Variants in SH3D19 observed in about 807,000 individuals in gnomAD.
SH3D19 encodes SH3 domain containing 19, also known as SH3 domain-containing protein 19.
Under a neutral mutation model 112.1 loss-of-function variants are expected in SH3D19, and 58 were observed. The ratio of observed to expected loss-of-function variants is 0.52; its 90% CI spans 0.42 to 0.64. The LOEUF (loss-of-function observed/expected upper bound fraction) is 0.64, where lower values mean the gene tolerates loss of function less well. SH3D19 is among the 30% of genes least tolerant of loss of function. The probability of loss-of-function intolerance (pLI) is 0.00; values close to 1 mark genes in which losing one functional copy is unlikely to be tolerated. For missense variants in SH3D19, 1,090 were observed against 1,263.4 expected, an observed-to-expected ratio of 0.86 and a Z score of 2.08; for synonymous variants, 391 against 448.5, an observed-to-expected ratio of 0.87 and a Z score of 1.62.
intron 11 of SH3D19, among the ~76,000 whole-genome samples, chr4:151,145,839 A>G (rs1753830429): frequency 6.6e-6 from 1 of 152,216 alleles, no homozygotes. Flanking sequence ...TGGGCATGTT[A>G]CTTTATGTCT....
At chr4:151,283,027 CCATT>C in intron 1 of SH3D19, 2 of 1,174,928 alleles carry the variant, frequency 1.7e-6, no homozygotes, top group Non-Finnish European at 1.2e-6. Context: ...TTTTGGATTC[CCATT>C]CAGAGACTTC....
At chr4:151,212,996 A>G (rs985873041) in intron 2 of SH3D19, among the ~76,000 whole-genome samples, 2 of 152,216 alleles carry the variant, frequency 1.3e-5, no homozygotes, top group Non-Finnish European at 2.9e-5. Flanking sequence ...TGGAGGAAGT[A>G]ACTGCAGATA....
intron 2 of SH3D19, among the ~76,000 whole-genome samples, chr4:151,214,744 A>C (rs76298800): frequency 7.9e-4 from 11 of 13,982 alleles, no homozygotes; most frequent in Non-Finnish European, 3.1e-3. Context: ...CCGGATGGGG[A>C]GGCTGGCCGG....
At chr4:151,242,013 G>A (rs954734648) in intron 1 of SH3D19, among the ~76,000 whole-genome samples, 1 of 151,956 alleles carries the variant, frequency 6.6e-6, no homozygotes, top group African/African-American at 2.4e-5. Flanking sequence ...GGCAACAAAT[G>A]AGACCCTGTC....
intron 1 of SH3D19, among the ~76,000 whole-genome samples, chr4:151,242,190 A>C (rs1770615894): frequency 1.3e-5 from 2 of 148,928 alleles, no homozygotes; most frequent in South Asian, 2.1e-4. Flanking sequence ...GTCTCAAAAC[A>C]AAAAAAAAAG....
At chr4:151,229,937 A>C (rs922805121) in intron 1 of SH3D19, among the ~76,000 whole-genome samples, 1 of 152,124 alleles carries the variant, frequency 6.6e-6, no homozygotes, top group Non-Finnish European at 1.5e-5. Flanking sequence ...AAAAACAAAA[A>C]ACAAGGCAGA....
rs147703912 is a variant in SH3D19 at position 151,316,425 on chromosome 4, G to A, written c.112+8816C>T. ...AACTAAGGAAATCTGAATCAAGCAT[G>A]GAGTTTAATCATACATCAATATTAG... is the stretch of plus-strand genomic sequence containing the variant. On this transcript the variant is annotated intron_variant, in intron 1 of 19. Coordinates refer to ENST00000604030, the MANE Select transcript of SH3D19 (RefSeq NM_001378122.1). 5.3e-3 allele frequency among the ~76,000 whole-genome samples: 807 copies of A among 152,160 alleles called. 9 individuals carry two copies. The highest frequency in any genetic ancestry group is 0.019 in the African/African-American group (774 of 41,516).
chr4:151,286,202 A>AC (rs1774763994), intron 1 of SH3D19, among the ~76,000 whole-genome samples: 1 of 150,338 alleles, frequency 6.7e-6, no homozygotes, highest in African/African-American at 2.4e-5. Context: ...AAAAAAAAAA[A>AC]AACAACTAAA....
At chr4:151,205,804 G>A (rs971828340) in intron 2 of SH3D19, among the ~76,000 whole-genome samples, 2 of 152,048 alleles carry the variant, frequency 1.3e-5, no homozygotes, top group Non-Finnish European at 2.9e-5. Flanking sequence ...ACATCCACCC[G>A]TACAAGAAGG....
At chr4:151,150,310 C>CATAT (rs201818643) in intron 9 of SH3D19, among the ~76,000 whole-genome samples, 2 of 135,336 alleles carry the variant, frequency 1.5e-5, no homozygotes, top group Non-Finnish European at 3.1e-5. Flanking sequence ...TATACACACA[C>CATAT]ATATATATAT....
At chr4:151,136,568 A>T (rs552420481) in intron 14 of SH3D19, among the ~76,000 whole-genome samples, 1 of 66,532 alleles carries the variant, frequency 1.5e-5, no homozygotes, top group Admixed American at 1.9e-4. Context: ...GGTTTATATT[A>T]AATCAGTGCC....
rs565761810 is a variant in SH3D19 at position 151,273,005 on chromosome 4, C to T, written c.113-46919G>A. Among the ~76,000 whole-genome samples the T allele has an allele frequency of 3.3e-5, 5 of 152,212 alleles. No homozygotes were observed. The South Asian group carries it at 6.2e-4, about 19-fold the overall frequency. On this transcript the variant is annotated intron_variant, in intron 1 of 19. Coordinates refer to ENST00000604030, the MANE Select transcript of SH3D19 (RefSeq NM_001378122.1). ...CCAACTACATTTATTAGTTGGAATT[C>T]TTCTCTCACCAACTAAACCTATTTT... is the stretch of plus-strand genomic sequence containing the variant.
chr4:151,164,844 C>T (rs1757726302), intron 8 of SH3D19, among the ~76,000 whole-genome samples: 1 of 152,142 alleles, frequency 6.6e-6, no homozygotes, highest in Non-Finnish European at 1.5e-5. Flanking sequence ...TCCCAAAGTG[C>T]TGGGATTACC....
chr4:151,319,977 A>T (rs999673456), intron 1 of SH3D19, among the ~76,000 whole-genome samples: 3 of 152,206 alleles, frequency 2.0e-5, no homozygotes, highest in Non-Finnish European at 2.9e-5. Context: ...TTACTAGCTG[A>T]GGGACTGTGG....
intron 1 of SH3D19, among the ~76,000 whole-genome samples, chr4:151,234,708 T>C (rs1238729111): frequency 6.6e-6 from 1 of 151,350 alleles, no homozygotes. Flanking sequence ...TTTCCTTTTT[T>C]GGTTTTTGTT....
At chr4:151,239,022 A>G (rs988413380) in intron 1 of SH3D19, among the ~76,000 whole-genome samples, 1 of 152,144 alleles carries the variant, frequency 6.6e-6, no homozygotes, top group African/African-American at 2.4e-5. Context: ...TAAGTGCCCA[A>G]TTCTGATTTT....
intron 1 of SH3D19, among the ~76,000 whole-genome samples, chr4:151,294,931 G>T (rs1477355726): frequency 6.6e-6 from 1 of 152,300 alleles, no homozygotes; most frequent in Admixed American, 6.5e-5. Flanking sequence ...GGCCTAAACA[G>T]AGGAGGGAAG....
At position 151,313,240 on chromosome 4, in the gene SH3D19, C is replaced by T. The variant is rs149446919; in HGVS notation, c.112+12001G>A. ...CATTGCTACAGAGGTGTAAGAAATA[C>T]CAAACCACGTTATAAAGTTGAATAC... On this transcript the variant is annotated intron_variant, in intron 1 of 19. Coordinates refer to ENST00000604030, the MANE Select transcript of SH3D19 (RefSeq NM_001378122.1). 7.9e-5 allele frequency among the ~76,000 whole-genome samples: 12 copies of T among 152,042 alleles called. No homozygotes were observed. The East Asian group carries it at 2.1e-3, about 27-fold the overall frequency.
chr4:151,261,361 T>C (rs1772364033), intron 1 of SH3D19: 3 of 152,204 alleles, frequency 2.0e-5, no homozygotes, highest in African/African-American at 7.2e-5. Flanking sequence ...TGTCCCAGAT[T>C]ATCCCCCCAC....
Sources: gnomAD v4.1 joint callset for allele counts (sites outside exome capture counted in the v4.1 genomes callset) on GRCh38, gnomAD v4.1.1 for gene constraint, MANE v1.5 for transcripts, NCBI Gene and HGNC (gene_info 2026-07-23, HGNC 2026-07-21) for gene names.